LMCD1: variants seen among roughly 807,000 people sequenced by gnomAD.
LMCD1 encodes LIM and cysteine rich domains 1, also known as LIM and cysteine-rich domains protein 1.
A neutral mutation model predicts 42.7 loss-of-function variants in LMCD1; 32 were observed. The observed-to-expected ratio is 0.75, with a 90% CI of 0.57 to 1.01. The LOEUF is 1.01. Ranked by LOEUF, LMCD1 falls within the 50% of genes least tolerant of loss-of-function variation. The pLI is 0.00. For missense variants in LMCD1, 458 were observed against 483.1 expected (o/e 0.95, Z 0.49); for synonymous variants, 178 against 184.9 (o/e 0.96, Z 0.30).
chr3:8,511,627 A>G (rs1574946652), intron 1 of LMCD1, among the ~76,000 whole-genome samples: 1 of 152,242 alleles, frequency 6.6e-6, no homozygotes, highest in East Asian at 1.9e-4. Context: ...GCCATAGTCC[A>G]GTTTTATGCC....
At chr3:8,533,014 G>C (rs1197825088) in intron 2 of LMCD1, among the ~76,000 whole-genome samples, 189 bp downstream of exon 2, 1 of 152,068 alleles carries the variant, frequency 6.6e-6, no homozygotes, top group Admixed American at 6.6e-5. Context: ...GGAGTGTGGC[G>C]GGGGCAGTAA....
Position 8,571,005 on chromosome 3 carries a change from G to C in LMCD1, c.*3407G>C, listed in dbSNP as rs565913855. On this transcript the variant is annotated 3_prime_UTR_variant, in exon 6 of 6. Coordinates refer to ENST00000157600, the MANE Select transcript of LMCD1 (RefSeq NM_014583.4). The stretch of plus-strand genomic sequence containing the variant: ...CTGGGGGGCTGCAATAGCTGAGTGG[G>C]ATTCTGTACCAGAATTGGAAAGATC... The C allele has an allele frequency of 6.6e-6, 1 of 152,232 alleles. No homozygotes were observed. The highest frequency in any genetic ancestry group is 1.9e-4 in the East Asian group (1 of 5,146). 9.4% of individuals were successfully genotyped at this position (152,232 alleles called of 1,614,324 possible).
chr3:8,528,740 C>T (rs9865627), intron 1 of LMCD1, among the ~76,000 whole-genome samples: 66,128 of 151,882 alleles, frequency 0.44, 15,183 homozygotes, highest in Non-Finnish European at 0.51. Context: ...TTCCTCTCAA[C>T]CCTACATTGT....
chr3:8,549,525 C>T (rs913843501), intron 4 of LMCD1, among the ~76,000 whole-genome samples: 1 of 152,070 alleles, frequency 6.6e-6, no homozygotes, highest in Non-Finnish European at 1.5e-5. Context: ...AGGACACTGT[C>T]CCCAAACTGC....
At chr3:8,537,524 G>A (rs1574961597) in intron 3 of LMCD1, 84 bp downstream of exon 3, 54 of 1,439,050 alleles carry the variant, frequency 3.8e-5, no homozygotes, top group East Asian at 1.9e-4. Flanking sequence ...TTTCAAACAT[G>A]GGGTGGCAAG....
intron 2 of LMCD1, among the ~76,000 whole-genome samples, chr3:8,536,371 G>T (rs565477566): frequency 1.3e-5 from 2 of 152,216 alleles, no homozygotes; most frequent in South Asian, 4.1e-4. Flanking sequence ...AGTAGCCACA[G>T]ATTTTTGTTT....
At chr3:8,526,940 G>A (rs17784210) in intron 1 of LMCD1, among the ~76,000 whole-genome samples, 13,838 of 152,226 alleles carry the variant, frequency 0.091, 797 homozygotes, top group Non-Finnish European at 0.13. Context: ...CAGAGTTTGC[G>A]TGGATTTAGT....
chr3:8,543,645 G>C (rs1046040482), intron 3 of LMCD1, among the ~76,000 whole-genome samples: 4 of 152,144 alleles, frequency 2.6e-5, no homozygotes, highest in Admixed American at 6.5e-5. Context: ...ACCACACCTG[G>C]CTGATTTTTC....
chr3:8,558,983 C>T (rs1282480182), intron 4 of LMCD1, among the ~76,000 whole-genome samples: 1 of 151,782 alleles, frequency 6.6e-6, no homozygotes. Context: ...TTAACCAGCC[C>T]TCTAGGGGAT....
chr3:8,503,647 C>T (rs1453169376), intron 1 of LMCD1, among the ~76,000 whole-genome samples: 4 of 152,178 alleles, frequency 2.6e-5, no homozygotes, highest in Non-Finnish European at 5.9e-5. Flanking sequence ...CTGTGGGTGA[C>T]TCATGAGAAT....
intron 4 of LMCD1, among the ~76,000 whole-genome samples, chr3:8,556,660 A>G (rs1288838725): frequency 6.6e-6 from 1 of 152,148 alleles, no homozygotes; most frequent in Non-Finnish European, 1.5e-5. Context: ...TGCAATTGGA[A>G]TGAACACATC....
intron 1 of LMCD1, among the ~76,000 whole-genome samples, chr3:8,512,962 G>T (rs966422100): frequency 1.3e-5 from 2 of 152,166 alleles, no homozygotes; most frequent in African/African-American, 4.8e-5. Flanking sequence ...AAACTGTGTT[G>T]TGTAGAATCA....
chr3:8,506,422 A>G (rs1197012969), intron 1 of LMCD1, among the ~76,000 whole-genome samples: 2 of 152,140 alleles, frequency 1.3e-5, no homozygotes, highest in East Asian at 3.9e-4. Context: ...AAGGCTGGGG[A>G]CCAGGAAGGA....
chr3:8,571,177 C>T lies in LMCD1; in HGVS notation c.*3579C>T, dbSNP rs1170201019. 6.6e-6 allele frequency: 1 copy of T among 152,086 alleles called. No individual in the cohort carries two copies. Among genetic ancestry groups the T allele is most frequent in the Non-Finnish European group, 1.5e-5 (1 of 68,026 alleles). 9.4% of individuals were successfully genotyped at this position (152,086 alleles called of 1,614,324 possible). ...CCCTTTATCTGTAAGTTCATAATATCCCAGGCTTACAGTAATTCTTCCAAG... is the reference window on the plus strand; with the variant it reads ...CCCTTTATCTGTAAGTTCATAATATTCCAGGCTTACAGTAATTCTTCCAAG... On this transcript the variant is annotated 3_prime_UTR_variant, in exon 6 of 6. Coordinates refer to ENST00000157600, the MANE Select transcript of LMCD1 (RefSeq NM_014583.4).
intron 4 of LMCD1, among the ~76,000 whole-genome samples, chr3:8,560,424 A>T (rs1695012109): frequency 6.6e-6 from 1 of 152,066 alleles, no homozygotes; most frequent in African/African-American, 2.4e-5. Context: ...TGCTCCCCAG[A>T]CCAATCCAGG....
intron 1 of LMCD1, among the ~76,000 whole-genome samples, chr3:8,504,624 G>A (rs963924318): frequency 1.3e-5 from 2 of 152,184 alleles, no homozygotes; most frequent in African/African-American, 2.4e-5. Flanking sequence ...CTCACTGGGG[G>A]CCACATACAT....
chr3:8,545,481 T>C (rs1694717769), intron 3 of LMCD1, among the ~76,000 whole-genome samples: 2 of 152,234 alleles, frequency 1.3e-5, no homozygotes, highest in African/African-American at 4.8e-5. Flanking sequence ...CTGAAGCAGC[T>C]AGGAATCGTC....
chr3:8,554,137 CG>C (rs1694889236), intron 4 of LMCD1, among the ~76,000 whole-genome samples: 1 of 152,104 alleles, frequency 6.6e-6, no homozygotes, highest in South Asian at 2.1e-4. Context: ...CACAAACTCC[CG>C]GGTTCAAACC....
rs1489438847 is a variant in LMCD1 at position 8,502,379 on chromosome 3, AAT to A, written c.42+406_42+407del. Among the ~76,000 whole-genome samples, 18 of 95,244 alleles carry A rather than the reference AAT, an allele frequency of 1.9e-4. 1 individual carries two copies. The highest frequency in any genetic ancestry group is 7.9e-4 in the African/African-American group (18 of 22,644). 62.5% of individuals were successfully genotyped at this position (95,244 alleles called of 152,430 possible). On this transcript the variant is annotated intron_variant, in intron 1 of 5. Transcript: ENST00000157600. ...AATATATATTATATAAAATATATAT[AAT>A]ATATATTATATATAAAATATATATA...
Sources: allele counts gnomAD v4.1 joint callset (sites outside exome capture counted in the v4.1 genomes callset), GRCh38; gene constraint gnomAD v4.1.1; transcripts MANE v1.5; gene names NCBI Gene and HGNC (gene_info 2026-07-23, HGNC 2026-07-21).